The following ZFR variants were observed in gnomAD, a reference collection of about 807,000 sequenced individuals.
The protein encoded by ZFR is zinc finger RNA binding protein, also known as zinc finger RNA-binding protein.
Under a neutral mutation model 130.7 loss-of-function variants are expected in ZFR, and 19 were observed. The observed-to-expected ratio is 0.15, with a 90% CI of 0.10 to 0.21. ZFR has a LOEUF of 0.21. ZFR is among the 10% of genes least tolerant of loss of function. The probability of loss-of-function intolerance (pLI) is 1.00; values close to 1 mark genes in which losing one functional copy is unlikely to be tolerated. For synonymous variants in ZFR, 466 were observed against 456.9 expected, an observed-to-expected ratio of 1.02 and a Z score of -0.25; for missense variants, 872 against 1,321.5, an observed-to-expected ratio of 0.66 and a Z score of 5.27.
chr5:32,417,560 A>G, intron 4 of ZFR, 88 bp downstream of exon 4: 1 of 1,534,952 alleles, frequency 6.5e-7, no homozygotes, highest in Admixed American at 1.7e-5. Context: ...ATGAGTTTAG[A>G]TGGACTCAAA....
At chr5:32,401,253 C>T (rs962674037) in intron 8 of ZFR, among the ~76,000 whole-genome samples, 3 of 152,238 alleles carry the variant, frequency 2.0e-5, no homozygotes, top group South Asian at 2.1e-4. Context: ...TCTGGTAATA[C>T]AGTAAAGAGA....
At position 32,354,734 on chromosome 5, in the gene ZFR, G is replaced by C. The variant is rs534700306; in HGVS notation, c.*1026C>G. The C allele has an allele frequency of 3.3e-5, 5 of 152,544 alleles. No individual in the cohort carries two copies. Among genetic ancestry groups the C allele is most frequent in the Non-Finnish European group, 5.9e-5 (4 of 68,024 alleles). The allele number at this position is 152,544 out of a possible 1,614,324, so 9.4% of individuals were successfully genotyped here. ...TGGAGAAGATCATCTGTGTTATACTGTAATAGTTGCTAGAGTAATCTCACA... is the reference window on the plus strand; with the variant it reads ...TGGAGAAGATCATCTGTGTTATACTCTAATAGTTGCTAGAGTAATCTCACA... On this transcript the variant is annotated 3_prime_UTR_variant, in exon 20 of 20. Transcript: ENST00000265069.
rs1294801322 is a variant in ZFR, at chr5:32,363,965, T to C, written c.3028A>G (p.Ile1010Val). The change falls in exon 19 of 20, where the codon ATC becomes GTC. Residue 1010 changes from isoleucine to valine, a missense_variant. By Grantham distance (29) the Ile-to-Val change is conservative. This residue lies in a region of ZFR where 158 missense variants were observed against 264.0 expected (regional missense o/e 0.60). Coordinates refer to ENST00000265069, the MANE Select transcript of ZFR (RefSeq NM_016107.5). ...ACCAGTACCTGTGCACTGGATGTGATGTCTTCACGCTGCTGGTCAGTCATT... is the reference window on the plus strand; with the variant it reads ...ACCAGTACCTGTGCACTGGATGTGACGTCTTCACGCTGCTGGTCAGTCATT... Reference protein sequence around the residue: ...ATMTDQQREDITSSAQFALRL... With the variant: ...ATMTDQQREDVTSSAQFALRL... 1.2e-6 allele frequency: 2 copies of C among 1,613,994 alleles called. No homozygotes were observed. The highest frequency in any genetic ancestry group is 2.7e-5 in the African/African-American group (2 of 74,936).
At chr5:32,439,571 A>T (rs547646054) in intron 2 of ZFR, among the ~76,000 whole-genome samples, 1 of 152,296 alleles carries the variant, frequency 6.6e-6, no homozygotes, top group African/African-American at 2.4e-5. Context: ...CTTAAGGTAC[A>T]GCAATAGTCA....
intron 9 of ZFR, 89 bp from the exon 10 acceptor site, chr5:32,397,427 C>CAGTTAGAAAG: frequency 6.7e-7 from 1 of 1,491,712 alleles, no homozygotes; most frequent in Non-Finnish European, 9.1e-7. Flanking sequence ...AAGTTGTACA[C>CAGTTAGAAAG]AGTTAGAAAG....
At chr5:32,394,132 CTG>C (rs1264224961) in intron 11 of ZFR, among the ~76,000 whole-genome samples, 1 of 152,154 alleles carries the variant, frequency 6.6e-6, no homozygotes. Flanking sequence ...TCTGCTAAAA[CTG>C]TATTTTAAAA....
intron 2 of ZFR, among the ~76,000 whole-genome samples, chr5:32,432,932 C>T (rs1000602058): frequency 5.3e-5 from 8 of 150,828 alleles, no homozygotes; most frequent in African/African-American, 2.0e-4. Context: ...TGAGGTCTTG[C>T]TATGCTACCC....
chr5:32,444,473 C>A, intron 1 of ZFR, 145 bp from the exon 2 acceptor site: 1 of 1,284,846 alleles, frequency 7.8e-7, no homozygotes, highest in Non-Finnish European at 1.0e-6. Context: ...GCCGCCTCCC[C>A]CTCCCGCCTC....
At chr5:32,359,626 T>C (rs1057005366) in intron 19 of ZFR, among the ~76,000 whole-genome samples, 3 of 152,166 alleles carry the variant, frequency 2.0e-5, no homozygotes, top group Non-Finnish European at 4.4e-5. Context: ...TATAGAAACA[T>C]TGTGTATGAC....
At chr5:32,401,464 G>A (rs897091786) in intron 8 of ZFR, among the ~76,000 whole-genome samples, 1 of 152,096 alleles carries the variant, frequency 6.6e-6, no homozygotes, top group Non-Finnish European at 1.5e-5. Context: ...ATATGAACTG[G>A]TCAGAAAGAA....
Position 32,380,158 on chromosome 5 carries a change from T to C in ZFR, c.2656A>G (p.Met886Val). 6.2e-7 allele frequency: 1 copy of C among 1,613,912 alleles called. No homozygotes were observed. Among genetic ancestry groups the C allele is most frequent in the Non-Finnish European group, 8.5e-7 (1 of 1,179,808 alleles). ...AAGACGTCCGGTGGGTCTTTCACCA[T>C]ACCCGAGGTTACATCTAAAATGGAT... is the stretch of plus-strand genomic sequence containing the variant. ...NMREGDVTSG[M>V]VKDPPDVLDR... Residue 886 changes from methionine (M) to valine (V), a missense_variant, in exon 16 of 20, where the codon ATG becomes GTG. Transcript: ENST00000265069.
chr5:32,385,702 A>G, intron 14 of ZFR, 53 bp from the exon 15 acceptor site: 1 of 1,596,054 alleles, frequency 6.3e-7, no homozygotes, highest in Non-Finnish European at 8.6e-7. Flanking sequence ...TTAACAAACA[A>G]AAGCACTTTC....
intron 6 of ZFR, among the ~76,000 whole-genome samples, chr5:32,405,184 A>T (rs943432213): frequency 1.3e-5 from 2 of 152,208 alleles, no homozygotes; most frequent in Non-Finnish European, 2.9e-5. Context: ...TCCACCAAGC[A>T]GTCTGAGCCT....
intron 5 of ZFR, among the ~76,000 whole-genome samples, chr5:32,412,591 G>A (rs1434546168): frequency 5.3e-5 from 8 of 152,180 alleles, no homozygotes; most frequent in Admixed American, 3.3e-4. Context: ...ACAAATTTAT[G>A]TATTAGATAG....
intron 5 of ZFR, among the ~76,000 whole-genome samples, chr5:32,411,463 T>C (rs891828928): frequency 1.3e-5 from 2 of 151,504 alleles, no homozygotes; most frequent in African/African-American, 4.9e-5. Context: ...CCGAGGTAGG[T>C]GGGTAACCTG....
chr5:32,438,401 T>C (rs1138225), intron 2 of ZFR, among the ~76,000 whole-genome samples: 2 of 151,828 alleles, frequency 1.3e-5, no homozygotes, highest in Non-Finnish European at 2.9e-5. Context: ...GTAGCTGGGA[T>C]TACAGGCATG....
chr5:32,401,835 CGAA>C (rs1561893888), intron 8 of ZFR, among the ~76,000 whole-genome samples: 1 of 151,940 alleles, frequency 6.6e-6, no homozygotes, highest in East Asian at 1.9e-4. Context: ...GCAATGGCAA[CGAA>C]GAAGTTTTTG....
At chr5:32,412,018 G>C (rs1753725089) in intron 5 of ZFR, among the ~76,000 whole-genome samples, 2 of 152,246 alleles carry the variant, frequency 1.3e-5, no homozygotes, top group South Asian at 2.1e-4. Flanking sequence ...GGGAACTCTA[G>C]AGAAGAATGC....
At position 32,355,946 on chromosome 5, in the gene ZFR, C is replaced by T; in HGVS notation, c.3046-7G>A. 6.4e-7 allele frequency: 1 copy of T among 1,572,264 alleles called. No homozygotes were observed. The highest frequency in any genetic ancestry group is 8.6e-7 in the Non-Finnish European group (1 of 1,163,948). ...CAAGGAGTCTCAATGCAAACTGCAA[C>T]AAAGAGAGTCAGAATTTTGAGTTAA... On this transcript the variant is annotated splice_polypyrimidine_tract_variant and splice_region_variant and intron_variant, in intron 19 of 19. Coordinates refer to ENST00000265069, the MANE Select transcript of ZFR (RefSeq NM_016107.5).
Sources: allele counts gnomAD v4.1 joint callset (sites outside exome capture counted in the v4.1 genomes callset), GRCh38; gene constraint gnomAD v4.1.1; regional missense constraint gnomAD v4.1.1; transcripts MANE v1.5; gene names NCBI Gene and HGNC (gene_info 2026-07-23, HGNC 2026-07-21).